Variants in CSNK2A1 observed in about 807,000 individuals in gnomAD.
The protein encoded by CSNK2A1 is casein kinase II subunit alpha.
CSNK2A1 carries 10 observed loss-of-function variants against 62.9 expected under a neutral mutation model. That is an observed-to-expected ratio of 0.16 (90% CI 0.10 to 0.27). The LOEUF (loss-of-function observed/expected upper bound fraction) is 0.27, where lower values mean the gene tolerates loss of function less well. CSNK2A1 is among the 10% of genes least tolerant of loss of function. The pLI, the probability that CSNK2A1 is intolerant of heterozygous loss-of-function variation, is 1.00. For missense variants in CSNK2A1, 160 were observed against 492.0 expected, an observed-to-expected ratio of 0.33 and a Z score of 6.38; for synonymous variants, 124 against 167.8, an observed-to-expected ratio of 0.74 and a Z score of 2.02.
intron 1 of CSNK2A1, among the ~76,000 whole-genome samples, chr20:538,780 A>G (rs1471260432): frequency 1.3e-5 from 2 of 152,244 alleles, no homozygotes; most frequent in Admixed American, 1.3e-4. Context: ...CTCTAAAAAA[A>G]TATGAAATAA....
chr20:520,489 T>C (rs899332276), intron 2 of CSNK2A1, among the ~76,000 whole-genome samples: 2 of 152,024 alleles, frequency 1.3e-5, no homozygotes, highest in African/African-American at 4.8e-5. Context: ...TATATACATA[T>C]ATATATAAAT....
At chr20:492,033 C>T (rs546047425) in intron 9 of CSNK2A1, among the ~76,000 whole-genome samples, 1 of 152,326 alleles carries the variant, frequency 6.6e-6, no homozygotes, top group Non-Finnish European at 1.5e-5. Flanking sequence ...GGATCAAATG[C>T]AAACCTATTC....
rs771693968 is a variant in CSNK2A1, at chr20:499,334, C to A, written c.316-29G>T. ...GGGGAAAAGAACAAAAACAAAAACACACATTAGCAATAGCCCTGACAGCTT... is the reference window on the plus strand; with the variant it reads ...GGGGAAAAGAACAAAAACAAAAACAAACATTAGCAATAGCCCTGACAGCTT... On this transcript the variant is annotated intron_variant, in intron 5 of 13. Transcript: ENST00000217244. The surrounding 1 kb of genome is among the most constrained non-coding windows in gnomAD (Gnocchi z 4.2). 7 of 1,601,292 alleles carry A rather than the reference C, an allele frequency of 4.4e-6. No homozygotes were observed. The highest frequency in any genetic ancestry group is 6.0e-6 in the Non-Finnish European group (7 of 1,174,694).
chr20:533,951 G>A (rs1167935981), intron 1 of CSNK2A1, among the ~76,000 whole-genome samples: 2 of 152,122 alleles, frequency 1.3e-5, no homozygotes, highest in African/African-American at 4.8e-5. Context: ...CGCCATATAA[G>A]CAAAATAAAG....
chr20:523,858 C>CAAAAAAAAAAAAAAAAAAAAAAAA, intron 2 of CSNK2A1, among the ~76,000 whole-genome samples: 1 of 45,540 alleles, frequency 2.2e-5, no homozygotes, highest in African/African-American at 9.2e-5. Context: ...GACTCCATCT[C>CAAAAAAAAAAAAAAAAAAAAAAAA]AAAAAAAAAA....
chr20:521,123 G>C (rs1276834057), intron 2 of CSNK2A1, among the ~76,000 whole-genome samples: 1 of 152,204 alleles, frequency 6.6e-6, no homozygotes, highest in Non-Finnish European at 1.5e-5. Context: ...TCTGCTCTGT[G>C]AAAGACACTA....
chr20:492,386 G>A (rs760584646), intron 8 of CSNK2A1, 22 bp from the exon 9 acceptor site: 11 of 1,611,192 alleles, frequency 6.8e-6, no homozygotes, highest in East Asian at 2.2e-5. Context: ...TAAACCATGA[G>A]CAATCTTATC....
chr20:492,574 C>A, intron 8 of CSNK2A1: 1 of 552,276 alleles, frequency 1.8e-6, no homozygotes, highest in Non-Finnish European at 3.2e-6. Context: ...ACAATCTCAC[C>A]TGTGCTTTTA....
chr20:494,330 C>G (rs1387541588), intron 8 of CSNK2A1: 1 of 152,086 alleles, frequency 6.6e-6, no homozygotes, highest in Non-Finnish European at 1.5e-5. Context: ...GCTTTTCCCC[C>G]CAATTTTAAG....
chr20:493,403 A>C (rs1267769978), intron 8 of CSNK2A1, among the ~76,000 whole-genome samples: 1 of 152,140 alleles, frequency 6.6e-6, no homozygotes, highest in Non-Finnish European at 1.5e-5. Context: ...ATAAATACTA[A>C]ATAGTTTAAT....
In CSNK2A1 at chr20:499,049, A is replaced by T. The variant is rs1283264560; in HGVS notation, c.366+206T>A. The T allele has an allele frequency of 2.9e-6, 1 of 347,492 alleles. No homozygotes were observed. The highest frequency in any genetic ancestry group is 5.2e-6 in the Non-Finnish European group (1 of 191,296). The allele number at this position is 347,492 out of a possible 1,614,324, so 21.5% of individuals were successfully genotyped here. A position where few individuals can be genotyped will look rare whatever the true frequency, so the allele number is the denominator to read the frequency against. ...GAGAAGTCAATGTGTTGGTCATTAA[A>T]AAGAACATTAAACAAATGGGCAAAA... On this transcript the variant is annotated intron_variant, in intron 6 of 13. Transcript: ENST00000217244. The surrounding 1 kb of genome is among the most constrained non-coding windows in gnomAD (Gnocchi z 4.2).
intron 11 of CSNK2A1, chr20:487,849 T>C (rs969667763): frequency 4.3e-6 from 2 of 461,492 alleles, no homozygotes; most frequent in South Asian, 5.3e-5. Context: ...ACCGCTTCTG[T>C]GTAGCAAGGA....
At chr20:485,365 TAG>T (rs2018075827) in intron 13 of CSNK2A1, among the ~76,000 whole-genome samples, 1 of 151,840 alleles carries the variant, frequency 6.6e-6, no homozygotes. Context: ...GTATTTCCAG[TAG>T]AGACAGGGTT....
At chr20:485,667 T>C (rs981769214) in intron 13 of CSNK2A1, among the ~76,000 whole-genome samples, 2 of 152,188 alleles carry the variant, frequency 1.3e-5, no homozygotes, top group African/African-American at 2.4e-5. Context: ...ACAAGTAAGT[T>C]TGGATATACA....
intron 3 of CSNK2A1, chr20:506,789 C>A (rs2018611681): frequency 6.6e-6 from 1 of 152,098 alleles, no homozygotes; most frequent in Admixed American, 6.6e-5. Flanking sequence ...TGGTTGAGTT[C>A]TCTTCCTATG....
chr20:534,606 T>C lies in CSNK2A1; in HGVS notation c.-226-6557A>G, dbSNP rs144235225. On this transcript the variant is annotated intron_variant, in intron 1 of 13. Coordinates refer to ENST00000217244, the MANE Select transcript of CSNK2A1 (RefSeq NM_177559.3). ...AGTTTTGAATATGTATGAAGGTCAA[T>C]GTGATGTTTTCCAAAAACAGTCATA... Among the ~76,000 whole-genome samples the C allele has an allele frequency of 1.7e-3, 260 of 152,256 alleles. 1 individual carries two copies. Among genetic ancestry groups the C allele is most frequent in the African/African-American group, 6.0e-3 (248 of 41,548 alleles).
rs1035940270 is a variant in CSNK2A1, at chr20:480,647, C to T, written c.*3314G>A. 4 of 152,292 alleles carry T rather than the reference C, an allele frequency of 2.6e-5. No individual in the cohort carries two copies. The highest frequency in any genetic ancestry group is 1.3e-4 in the Admixed American group (2 of 15,296). The allele number at this position is 152,292 out of a possible 1,614,324, so 9.4% of individuals were successfully genotyped here. A position where few individuals can be genotyped will look rare whatever the true frequency, so the allele number is the denominator to read the frequency against. On this transcript the variant is annotated 3_prime_UTR_variant, in exon 14 of 14. Transcript: ENST00000217244. ...AGGAACTGAGCATGACCTTACCACA[C>T]AGCCTTTTTAGTTAAGTGTTTCTTT...
rs892208822 is a variant in CSNK2A1, at chr20:480,666, T to C, written c.*3295A>G. On this transcript the variant is annotated 3_prime_UTR_variant, in exon 14 of 14. Transcript: ENST00000217244. Reference sequence around the variant, plus strand: ...ACCACACAGCCTTTTTAGTTAAGTGTTTCTTTAACTAGGAAAAGGCCCTGG... The same window carrying C: ...ACCACACAGCCTTTTTAGTTAAGTGCTTCTTTAACTAGGAAAAGGCCCTGG... 2 of 152,150 alleles carry C rather than the reference T, an allele frequency of 1.3e-5. No individual in the cohort carries two copies. The highest frequency in any genetic ancestry group is 2.9e-5 in the Non-Finnish European group (2 of 68,042). 9.4% of individuals were successfully genotyped at this position (152,150 alleles called of 1,614,324 possible).
chr20:533,568 ACTCCAGCCTGGGTGACAGAGCGAGACG>A, intron 1 of CSNK2A1, among the ~76,000 whole-genome samples: 1 of 152,282 alleles, frequency 6.6e-6, no homozygotes, highest in African/African-American at 2.4e-5. Context: ...ATGTCACTGC[ACTCCAGCCTGGGTGACAGAGCGAGACG>A]CTGTCTCAAA....
Sources: allele counts gnomAD v4.1 joint callset (sites outside exome capture counted in the v4.1 genomes callset), GRCh38; gene constraint gnomAD v4.1.1; non-coding constraint Gnocchi (gnomAD v3.1); transcripts MANE v1.5; gene names NCBI Gene and HGNC (gene_info 2026-07-23, HGNC 2026-07-21).